The following MAB21L4 variants were observed in gnomAD, a reference collection of about 807,000 sequenced individuals.
The protein encoded by MAB21L4 is mab-21 like 4, also known as protein mab-21-like 4.
Under a neutral mutation model 32.4 loss-of-function variants are expected in MAB21L4, and 25 were observed. The observed-to-expected ratio is 0.77, with a 90% CI of 0.56 to 1.08. The LOEUF (loss-of-function observed/expected upper bound fraction) is 1.08, where lower values mean the gene tolerates loss of function less well. Among genes scored for constraint, MAB21L4 ranks in the 50% least tolerant of loss-of-function variants. The pLI is 0.00. For synonymous variants in MAB21L4, 280 were observed against 276.8 expected (o/e 1.01, Z -0.11); for missense variants, 638 against 611.0 (o/e 1.04, Z -0.47).
upstream of MAB21L4, among the ~76,000 whole-genome samples, chr2:240,896,454 G>A (rs960521722): frequency 2.6e-5 from 4 of 152,142 alleles, no homozygotes; most frequent in East Asian, 1.9e-4. Context: ...CCCAGGGGCC[G>A]GGTATCTGGA....
At position 240,886,812 on chromosome 2, in the gene MAB21L4, C is replaced by A; in HGVS notation, c.*258G>T. 2 of 474,284 alleles carry A rather than the reference C, an allele frequency of 4.2e-6. No individual in the cohort carries two copies. The highest frequency in any genetic ancestry group is 3.9e-5 in the African/African-American group (2 of 51,274). The allele number at this position is 474,284 out of a possible 1,614,324, so 29.4% of individuals were successfully genotyped here. A position where few individuals can be genotyped will look rare whatever the true frequency, so the allele number is the denominator to read the frequency against. On this transcript the variant is annotated 3_prime_UTR_variant, in exon 5 of 5. Transcript: ENST00000388934. ...CTGTTTGCTTGACAACACCACGTGG[C>A]TGGGTCAACATGCACCACATGGAGA... is the stretch of plus-strand genomic sequence containing the variant.
At position 240,891,567 on chromosome 2, in the gene MAB21L4, G is replaced by C. The variant is rs1221327193; in HGVS notation, c.711C>G (p.Asp237Glu). Residue 237 changes from aspartate to glutamate, a missense_variant, in exon 2 of 5, where the codon GAC (aspartate) becomes GAG (glutamate). Asp to Glu is a conservative substitution (Grantham distance 45, BLOSUM62 2). Transcript: ENST00000388934. ...AGAGCTGGGCGCTGGCCGGCACCAG[G>C]TCCACCCCTTGGCTGAGGATCCTTC... ...SLRRILSQGV[D>E]LVPASAQLWR... 6.2e-7 allele frequency: 1 copy of C among 1,610,820 alleles called. No homozygotes were observed. Among genetic ancestry groups the C allele is most frequent in the Admixed American group, 1.7e-5 (1 of 59,976 alleles).
At chr2:240,892,652 C>T (rs2106440402) in intron 1 of MAB21L4, among the ~76,000 whole-genome samples, 1 of 152,316 alleles carries the variant, frequency 6.6e-6, no homozygotes. Flanking sequence ...GGCCAGCAGG[C>T]TCACAGTGAC....
chr2:240,891,726 G>T lies in MAB21L4; in HGVS notation c.552C>A (p.Leu184=). 6.2e-7 allele frequency: 1 copy of T among 1,609,916 alleles called. No homozygotes were observed. ...CGCTGGACACCAGCAAGGACAGGTGGAGCTGCTCCTCCCTCAGGCTGGCCG... is the reference window on the plus strand; with the variant it reads ...CGCTGGACACCAGCAAGGACAGGTGTAGCTGCTCCTCCCTCAGGCTGGCCG... The part of the protein sequence containing the change: ...LNAASLREEQ[L]HLSLLVSSGW... Residue 184 remains leucine (L), a synonymous_variant, in exon 2 of 5, where the codon CTC becomes CTA. Transcript: ENST00000388934.
Position 240,891,418 on chromosome 2 carries a change from G to A in MAB21L4, c.740+120C>T. The A allele has an allele frequency of 3.3e-6, 3 of 905,158 alleles. No homozygotes were observed. In the South Asian group the frequency reaches 4.9e-5, roughly 15 times the overall value. 56.1% of individuals were successfully genotyped at this position (905,158 alleles called of 1,614,324 possible). A position where few individuals can be genotyped will look rare whatever the true frequency, so the allele number is the denominator to read the frequency against. On this transcript the variant is annotated intron_variant, in intron 2 of 4. Coordinates refer to ENST00000388934, the MANE Select transcript of MAB21L4 (RefSeq NM_001085437.3). The stretch of plus-strand genomic sequence containing the variant: ...ATCTCAGTGGAACACACATGCCCAT[G>A]GGGGCAGAGGCAGACGGAGGACCCT...
At chr2:240,887,233 G>A in intron 4 of MAB21L4, 71 bp from the exon 5 acceptor site, 1 of 1,311,126 alleles carries the variant, frequency 7.6e-7, no homozygotes, top group Non-Finnish European at 1.1e-6. Context: ...TCAGGGCCGA[G>A]AGCACAGCGT....
In MAB21L4 at chr2:240,895,757, T is replaced by C. The variant is rs775049269; in HGVS notation, c.241A>G (p.Met81Val). ...GCATCCACCCACAGGGGCACCTCCA[T>C]GTCCATTGGGTCCTCAGAGGAGCGC... ...ALRSSEDPMDMEVPLWVDAEA... is the reference protein window; with the variant it reads ...ALRSSEDPMDVEVPLWVDAEA... Residue 81 changes from methionine (M) to valine (V), a missense_variant, in exon 1 of 5, where the codon ATG becomes GTG. Transcript: ENST00000388934. The C allele has an allele frequency of 5.6e-6, 9 of 1,612,556 alleles. No individual in the cohort carries two copies. In the African/African-American group the frequency reaches 1.1e-4, roughly 19 times the overall value.
upstream of MAB21L4, chr2:240,896,251 G>A: frequency 9.6e-7 from 1 of 1,037,552 alleles, no homozygotes; most frequent in South Asian, 4.7e-5. Context: ...ATGCAGGGCA[G>A]GCGGGGGCTG....
At chr2:240,891,992 CAG>C in intron 1 of MAB21L4, 1 of 1,522,970 alleles carries the variant, frequency 6.6e-7, no homozygotes, top group Non-Finnish European at 8.8e-7. Context: ...CCAATGGTGA[CAG>C]TCCTCGGCAC....
chr2:240,887,069 C>A lies in MAB21L4; in HGVS notation c.*1G>T. ...AGGTGGCTGAGACCAGGTGGCCCAG[C>A]TCAGCTCTCCTCGCCTCCCAGAGTC... On this transcript the variant is annotated 3_prime_UTR_variant, in exon 5 of 5. Coordinates refer to ENST00000388934, the MANE Select transcript of MAB21L4 (RefSeq NM_001085437.3). 1.2e-6 allele frequency: 2 copies of A among 1,613,594 alleles called. No homozygotes were observed. Among genetic ancestry groups the A allele is most frequent in the East Asian group, 4.5e-5 (2 of 44,882 alleles).
Position 240,891,685 on chromosome 2 carries a change from C to T in MAB21L4, c.593G>A (p.Ser198Asn), listed in dbSNP as rs771812388. Residue 198 changes from serine to asparagine, a missense_variant, in exon 2 of 5, where the codon AGC (serine) becomes AAC (asparagine). Physicochemically the swap from Ser to Asn is conservative, Grantham distance 46. Transcript: ENST00000388934. Reference sequence around the variant, plus strand: ...TCTCACCACGGGCACCACGTGGAAGCTGATTGTTCTCCAGCCGCTGGACAC... The same window carrying T: ...TCTCACCACGGGCACCACGTGGAAGTTGATTGTTCTCCAGCCGCTGGACAC... The part of the protein sequence containing the change: ...LLVSSGWRTI[S>N]FHVVPVVRRK... 4 of 1,609,780 alleles carry T rather than the reference C, an allele frequency of 2.5e-6. No homozygotes were observed. The highest frequency in any genetic ancestry group is 3.3e-4 in the Middle Eastern group (2 of 6,058).
intron 1 of MAB21L4, 35 bp downstream of exon 1, chr2:240,895,449 C>T (rs1212645947): frequency 7.4e-6 from 11 of 1,483,500 alleles, no homozygotes; most frequent in African/African-American, 1.4e-5. Context: ...CCTCGGTACA[C>T]GCAGATACGC....
intron 3 of MAB21L4, among the ~76,000 whole-genome samples, chr2:240,889,744 C>CA (rs1323564792): frequency 6.6e-6 from 1 of 152,216 alleles, no homozygotes; most frequent in Non-Finnish European, 1.5e-5. Flanking sequence ...GTCCCAGGGC[C>CA]AGGAGGGCCT....
rs556360296 is a variant in MAB21L4 at position 240,895,808 on chromosome 2, C to G, written c.190G>C (p.Gly64Arg). Residue 64 changes from glycine to arginine, a missense_variant, in exon 1 of 5, where the codon GGC becomes CGC. Transcript: ENST00000388934. ...AGGGCGAACTGGAAGGCCTCCAGGC[C>G]ACGGGAGTAGTCCACGATGAAGCGG... is the stretch of plus-strand genomic sequence containing the variant. Reference protein sequence around the residue: ...DPRFIVDYSRGLEAFQFALRS... With the variant: ...DPRFIVDYSRRLEAFQFALRS... 1 of 1,601,320 alleles carries G rather than the reference C, an allele frequency of 6.2e-7. No homozygotes were observed. The highest frequency in any genetic ancestry group is 2.2e-5 in the East Asian group (1 of 44,640).
At chr2:240,893,781 G>T (rs776806829) in intron 1 of MAB21L4, among the ~76,000 whole-genome samples, 1 of 108,104 alleles carries the variant, frequency 9.3e-6, no homozygotes, top group Non-Finnish European at 2.3e-5. Context: ...GAGCAAATCC[G>T]AATGACTCAG....
At chr2:240,893,909 G>A (rs1383586973) in intron 1 of MAB21L4, among the ~76,000 whole-genome samples, 3 of 152,066 alleles carry the variant, frequency 2.0e-5, no homozygotes, top group African/African-American at 4.8e-5. Context: ...CATGATTAGA[G>A]GTTCAGAAGA....
At chr2:240,891,165 CTG>C (rs936036671) in intron 2 of MAB21L4, among the ~76,000 whole-genome samples, 3 of 152,192 alleles carry the variant, frequency 2.0e-5, no homozygotes, top group Non-Finnish European at 1.5e-5. Flanking sequence ...CGCACCCCCA[CTG>C]TGTGGGAACC....
chr2:240,895,458 G>T (rs3936205), intron 1 of MAB21L4, 26 bp downstream of exon 1: 1 of 1,498,778 alleles, frequency 6.7e-7, no homozygotes, highest in Admixed American at 2.1e-5. Context: ...ACGCAGATAC[G>T]CGTGCAGAGT....
rs773024469 is a variant in MAB21L4 at position 240,895,542 on chromosome 2, G to A, written c.456C>T (p.Leu152=). 27 of 1,606,526 alleles carry A rather than the reference G, an allele frequency of 1.7e-5. No homozygotes were observed. In the Admixed American group the frequency reaches 4.5e-4, roughly 27 times the overall value. ...CGATGGCTGCTACCAGCAGGTCCTT[G>A]AGGACACACAGGACCTTGCTGGGCA... is the stretch of plus-strand genomic sequence containing the variant. ...HIVPSKVLCV[L]KDLLVAAIVH... Residue 152 remains leucine, a synonymous_variant, in exon 1 of 5, where the codon CTC becomes CTT. Coordinates refer to ENST00000388934, the MANE Select transcript of MAB21L4 (RefSeq NM_001085437.3).
Sources: gnomAD v4.1 joint callset for allele counts (sites outside exome capture counted in the v4.1 genomes callset) on GRCh38, gnomAD v4.1.1 for gene constraint, MANE v1.5 for transcripts, NCBI Gene and HGNC (gene_info 2026-07-23, HGNC 2026-07-21) for gene names.